UHRF2: variants seen among roughly 807,000 people sequenced by gnomAD.
The protein encoded by UHRF2 is ubiquitin like with PHD and ring finger domains 2, also known as E3 ubiquitin-protein ligase UHRF2.
A neutral mutation model predicts 96.8 loss-of-function variants in UHRF2; 23 were observed. The ratio of observed to expected loss-of-function variants is 0.24; its 90% confidence interval spans 0.17 to 0.34. The LOEUF (loss-of-function observed/expected upper bound fraction) is 0.34. Among genes scored for constraint, UHRF2 ranks in the 10% least tolerant of loss-of-function variants. The pLI is 1.00. For synonymous variants in UHRF2, 385 were observed against 332.6 expected (o/e 1.16, Z -1.72); for missense variants, 685 against 981.5 (o/e 0.70, Z 4.04).
intron 3 of UHRF2, among the ~76,000 whole-genome samples, chr9:6,446,173 A>G (rs80317894): frequency 7.6e-6 from 1 of 131,120 alleles, no homozygotes; most frequent in African/African-American, 2.7e-5. Flanking sequence ...TTTTTTTTTT[A>G]TACAGTCTTG....
intron 3 of UHRF2, among the ~76,000 whole-genome samples, chr9:6,434,519 A>T (rs1235219366): frequency 6.6e-6 from 1 of 151,992 alleles, no homozygotes; most frequent in Non-Finnish European, 1.5e-5. Context: ...CCTCACTGCA[A>T]CCTCAGCCTC....
intron 4 of UHRF2, among the ~76,000 whole-genome samples, chr9:6,463,178 G>A (rs1438670788): frequency 1.3e-5 from 2 of 151,954 alleles, no homozygotes; most frequent in African/African-American, 4.8e-5. Context: ...CTACTCGAAA[G>A]GCTGAGGCAG....
chr9:6,473,045 G>A (rs906770152), intron 4 of UHRF2, among the ~76,000 whole-genome samples: 2 of 152,176 alleles, frequency 1.3e-5, no homozygotes. Context: ...AGCTTTCCTA[G>A]TACCTAACTA....
At chr9:6,496,852 T>G (rs920040948) in intron 10 of UHRF2, 3 of 173,040 alleles carry the variant, frequency 1.7e-5, no homozygotes, top group Non-Finnish European at 3.7e-5. Context: ...ATCATTTGCT[T>G]TAGTTTTCCA....
At chr9:6,502,877 A>G (rs1816376861) in intron 14 of UHRF2, among the ~76,000 whole-genome samples, 1 of 152,214 alleles carries the variant, frequency 6.6e-6, no homozygotes, top group Admixed American at 6.5e-5. Flanking sequence ...ATGTGTTTAT[A>G]ATACTTTGTC....
intron 9 of UHRF2, chr9:6,492,684 T>G (rs1221044364): frequency 1.3e-5 from 2 of 152,568 alleles, no homozygotes; most frequent in African/African-American, 4.8e-5. Flanking sequence ...GATCTTGCAT[T>G]AAAGAATCAC....
chr9:6,433,149 C>T (rs142898618), intron 2 of UHRF2, among the ~76,000 whole-genome samples: 2 of 152,224 alleles, frequency 1.3e-5, no homozygotes, highest in East Asian at 1.9e-4. Flanking sequence ...TTTTAAACAG[C>T]GTTTAAAAGG....
At chr9:6,467,955 TA>T (rs1263855614) in intron 4 of UHRF2, among the ~76,000 whole-genome samples, 1 of 152,210 alleles carries the variant, frequency 6.6e-6, no homozygotes, top group African/African-American at 2.4e-5. Flanking sequence ...GTCTAAGCTT[TA>T]TTTGAAGGTG....
chr9:6,419,442 A>G (rs1819797180), intron 1 of UHRF2, among the ~76,000 whole-genome samples: 1 of 152,236 alleles, frequency 6.6e-6, no homozygotes, highest in South Asian at 2.1e-4. Flanking sequence ...ATGAGCAAGA[A>G]TTAGAATTAT....
intron 10 of UHRF2, 35 bp downstream of exon 10, chr9:6,493,967 T>C (rs776954686): frequency 5.7e-6 from 9 of 1,580,348 alleles, no homozygotes; most frequent in Non-Finnish European, 6.9e-6. Context: ...ATTTGAACAT[T>C]GAATAAAAGT....
intron 1 of UHRF2, among the ~76,000 whole-genome samples, chr9:6,417,851 C>A (rs370408971): frequency 1.3e-5 from 2 of 152,066 alleles, no homozygotes; most frequent in Non-Finnish European, 2.9e-5. Context: ...TACTCCTGAC[C>A]GTCATTTAGT....
chr9:6,473,601 C>G (rs1203103246), intron 4 of UHRF2, among the ~76,000 whole-genome samples: 1 of 152,072 alleles, frequency 6.6e-6, no homozygotes, highest in Non-Finnish European at 1.5e-5. Flanking sequence ...AATTATCTTA[C>G]CAAGAAAATG....
chr9:6,501,265 T>C (rs1285462336), intron 14 of UHRF2, among the ~76,000 whole-genome samples: 1 of 152,226 alleles, frequency 6.6e-6, no homozygotes, highest in African/African-American at 2.4e-5. Context: ...GCCCTTCTTA[T>C]CAAATCCCTA....
At chr9:6,465,045 T>G (rs1822776291) in intron 4 of UHRF2, among the ~76,000 whole-genome samples, 1 of 152,216 alleles carries the variant, frequency 6.6e-6, no homozygotes, top group African/African-American at 2.4e-5. Flanking sequence ...TTTTGTCTTT[T>G]TCTTTACTTT....
intron 2 of UHRF2, among the ~76,000 whole-genome samples, chr9:6,431,793 A>G (rs1264145960): frequency 6.6e-6 from 1 of 152,208 alleles, no homozygotes; most frequent in Admixed American, 6.5e-5. Flanking sequence ...TTTGATAGGC[A>G]AATTCAGTAC....
At chr9:6,429,484 C>G (rs897150905) in intron 2 of UHRF2, among the ~76,000 whole-genome samples, 1 of 151,988 alleles carries the variant, frequency 6.6e-6, no homozygotes, top group African/African-American at 2.4e-5. Flanking sequence ...GCGGGATCCA[C>G]GCCTGGCTAG....
At chr9:6,447,029 C>T (rs1484680000) in intron 3 of UHRF2, among the ~76,000 whole-genome samples, 3 of 151,980 alleles carry the variant, frequency 2.0e-5, no homozygotes, top group African/African-American at 4.8e-5. Flanking sequence ...GCTGGGACCA[C>T]AGGTGCCTGC....
intron 3 of UHRF2, among the ~76,000 whole-genome samples, chr9:6,437,055 G>T (rs1446199824): frequency 6.6e-6 from 1 of 152,068 alleles, no homozygotes; most frequent in African/African-American, 2.4e-5. Context: ...AGCCCGATAT[G>T]GTTGTGATAC....
At chr9:6,431,498 G>A (rs1820560287) in intron 2 of UHRF2, among the ~76,000 whole-genome samples, 1 of 152,046 alleles carries the variant, frequency 6.6e-6, no homozygotes, top group Non-Finnish European at 1.5e-5. Flanking sequence ...TAGCTGCTCA[G>A]GAGTTTGAGT....
Sources: allele counts gnomAD v4.1 joint callset (sites outside exome capture counted in the v4.1 genomes callset), GRCh38; gene constraint gnomAD v4.1.1; transcripts MANE v1.5; gene names NCBI Gene and HGNC (gene_info 2026-07-23, HGNC 2026-07-21).